The following DCLK2 variants were observed in gnomAD, a reference collection of about 807,000 sequenced individuals.
DCLK2 encodes the protein doublecortin like kinase 2.
Under a neutral mutation model 78.4 loss-of-function variants are expected in DCLK2, and 31 were observed. That is an observed-to-expected ratio of 0.40 (90% CI 0.30 to 0.53). The LOEUF (loss-of-function observed/expected upper bound fraction) is 0.53, where lower values mean the gene tolerates loss of function less well. Among genes scored for constraint, DCLK2 ranks in the 20% least tolerant of loss-of-function variants. The probability of loss-of-function intolerance (pLI) is 0.61; values close to 1 mark genes in which losing one functional copy is unlikely to be tolerated. For synonymous variants in DCLK2, 407 were observed against 374.9 expected, an observed-to-expected ratio of 1.09 and a Z score of -0.99; for missense variants, 872 against 973.7, an observed-to-expected ratio of 0.90 and a Z score of 1.39.
intron 2 of DCLK2, among the ~76,000 whole-genome samples, chr4:150,156,193 A>AG (rs1187429330): frequency 3.9e-5 from 6 of 152,138 alleles, no homozygotes; most frequent in African/African-American, 1.4e-4. Context: ...ATGTTTGTTG[A>AG]GGTGGGACAA....
At position 150,143,995 on chromosome 4, in the gene DCLK2, T is replaced by C. The variant is rs577904770; in HGVS notation, c.756+41183T>C. ...ATTTTTTCCCATTCTGTAGGTTGGC[T>C]GTTTACTCTGTTGATTCTCTCTTTT... On this transcript the variant is annotated intron_variant, in intron 2 of 15. Coordinates refer to ENST00000296550, the MANE Select transcript of DCLK2 (RefSeq NM_001040260.4). 2.0e-5 allele frequency among the ~76,000 whole-genome samples: 3 copies of C among 152,326 alleles called. No individual in the cohort carries two copies. The South Asian group carries it at 6.2e-4, about 32-fold the overall frequency.
intron 8 of DCLK2, among the ~76,000 whole-genome samples, chr4:150,226,460 G>A (rs1741621587): frequency 6.6e-6 from 1 of 151,740 alleles, no homozygotes; most frequent in African/African-American, 2.4e-5. Flanking sequence ...GATTTAAGCA[G>A]AACGTATCAT....
chr4:150,199,579 A>G (rs1044592627), intron 4 of DCLK2, among the ~76,000 whole-genome samples: 2 of 152,242 alleles, frequency 1.3e-5, no homozygotes, highest in African/African-American at 2.4e-5. Context: ...CAACACTGCA[A>G]TATTTCTAGT....
chr4:150,241,055 A>C (rs1042963893), intron 12 of DCLK2, among the ~76,000 whole-genome samples: 1 of 152,220 alleles, frequency 6.6e-6, no homozygotes. Context: ...CCATTTCTTC[A>C]TAGTGGTCTC....
intron 12 of DCLK2, among the ~76,000 whole-genome samples, chr4:150,242,432 A>G (rs1227788681): frequency 6.6e-6 from 1 of 152,214 alleles, no homozygotes; most frequent in African/African-American, 2.4e-5. Context: ...CAGACTGTAG[A>G]ATTACTGTAC....
chr4:150,134,586 ATTTTTTTCT>A (rs977270694), intron 2 of DCLK2, among the ~76,000 whole-genome samples: 1 of 152,046 alleles, frequency 6.6e-6, no homozygotes, highest in African/African-American at 2.4e-5. Flanking sequence ...TACAATTTTG[ATTTTTTTCT>A]TTGGTCTAAG....
At chr4:150,249,708 G>A (rs780635294) in intron 15 of DCLK2, 24 bp downstream of exon 15, 3 of 1,592,970 alleles carry the variant, frequency 1.9e-6, no homozygotes, top group Non-Finnish European at 2.6e-6. Flanking sequence ...GGCAGGTCTG[G>A]CCTGACTGCG....
At chr4:150,104,425 C>CAAAAAAAAAAAAA (rs1731108647) in intron 2 of DCLK2, among the ~76,000 whole-genome samples, 3 of 51,680 alleles carry the variant, frequency 5.8e-5, no homozygotes, top group Admixed American at 1.6e-4. Flanking sequence ...AAAAAAAAAT[C>CAAAAAAAAAAAAA]GAGCATCTAA....
intron 2 of DCLK2, among the ~76,000 whole-genome samples, chr4:150,163,570 C>T (rs962816990): frequency 6.6e-6 from 1 of 152,112 alleles, no homozygotes; most frequent in African/African-American, 2.4e-5. Flanking sequence ...CTCTCTGAGC[C>T]CATTTCCTTG....
At chr4:150,161,825 A>G (rs527519007) in intron 2 of DCLK2, among the ~76,000 whole-genome samples, 1 of 152,312 alleles carries the variant, frequency 6.6e-6, no homozygotes, top group South Asian at 2.1e-4. Context: ...GTGAAAGAAA[A>G]TAATAAGACA....
chr4:150,204,997 A>G (rs1275435261), intron 5 of DCLK2, among the ~76,000 whole-genome samples: 1 of 152,224 alleles, frequency 6.6e-6, no homozygotes, highest in African/African-American at 2.4e-5. Flanking sequence ...GTGTATACAT[A>G]AATTAACTTT....
At chr4:150,138,512 G>A (rs4484276) in intron 2 of DCLK2, among the ~76,000 whole-genome samples, 55,232 of 152,054 alleles carry the variant, frequency 0.36, 11,107 homozygotes, top group South Asian at 0.61. Flanking sequence ...AGGAGGCTCA[G>A]TGGGTCAAAC....
chr4:150,250,342 G>A (rs2126631640), intron 15 of DCLK2, among the ~76,000 whole-genome samples: 1 of 152,248 alleles, frequency 6.6e-6, no homozygotes, highest in East Asian at 1.9e-4. Flanking sequence ...AAAGTGACAT[G>A]AGAGTAAATG....
At chr4:150,254,583 C>T (rs1195429537) in intron 15 of DCLK2, 1 of 397,926 alleles carries the variant, frequency 2.5e-6, no homozygotes, top group Non-Finnish European at 4.4e-6. Flanking sequence ...TATGCTGGCT[C>T]TCTGCTTCCC....
intron 2 of DCLK2, among the ~76,000 whole-genome samples, chr4:150,171,301 A>G (rs973151365): frequency 1.3e-5 from 2 of 152,188 alleles, no homozygotes; most frequent in African/African-American, 4.8e-5. Flanking sequence ...TAACATGGTG[A>G]AACCCCATCT....
rs576013594 is a variant in DCLK2, at chr4:150,138,881, G to A, written c.756+36069G>A. ...GGGTTTCACCTTGTTAGCCAGGATG[G>A]TCTCAATCTCCTGACCTTGTGATCT... is the stretch of plus-strand genomic sequence containing the variant. On this transcript the variant is annotated intron_variant, in intron 2 of 15. Coordinates refer to ENST00000296550, the MANE Select transcript of DCLK2 (RefSeq NM_001040260.4). Among the ~76,000 whole-genome samples, 118 of 152,036 alleles carry A rather than the reference G, an allele frequency of 7.8e-4. 1 individual carries two copies. The highest frequency in any genetic ancestry group is 7.9e-4 in the Admixed American group (12 of 15,274).
intron 2 of DCLK2, among the ~76,000 whole-genome samples, chr4:150,143,937 A>G (rs1345594714): frequency 6.6e-6 from 1 of 151,722 alleles, no homozygotes; most frequent in Non-Finnish European, 1.5e-5. Flanking sequence ...GATTCTGGAT[A>G]TTAGTCGTTT....
At position 150,099,974 on chromosome 4, in the gene DCLK2, G is replaced by A. The variant is rs889293666; in HGVS notation, c.422-2504G>A. 2.6e-5 allele frequency among the ~76,000 whole-genome samples: 4 copies of A among 152,148 alleles called. No homozygotes were observed. In the East Asian group the frequency reaches 7.7e-4, roughly 29 times the overall value. ...GTTGCCCAGACTGAAGTGCAGTGGT[G>A]AGATTATATCTCTCTGTAGCCTTGA... On this transcript the variant is annotated intron_variant, in intron 1 of 15. Transcript: ENST00000296550.
intron 2 of DCLK2, among the ~76,000 whole-genome samples, chr4:150,121,163 T>C (rs1732511672): frequency 9.4e-6 from 1 of 105,900 alleles, no homozygotes; most frequent in African/African-American, 4.1e-5. Context: ...TGCTGATTGA[T>C]CAGGGTGGTG....
Sources: gnomAD v4.1 joint callset for allele counts (sites outside exome capture counted in the v4.1 genomes callset) on GRCh38, gnomAD v4.1.1 for gene constraint, MANE v1.5 for transcripts, NCBI Gene and HGNC (gene_info 2026-07-23, HGNC 2026-07-21) for gene names.